The following FILIP1 variants were observed in gnomAD, a reference collection of about 807,000 sequenced individuals.
FILIP1 encodes the protein filamin A interacting protein 1.
A neutral mutation model predicts 102.1 loss-of-function variants in FILIP1; 61 were observed. The observed-to-expected ratio is 0.60, with a 90% CI of 0.49 to 0.74. The LOEUF (loss-of-function observed/expected upper bound fraction) is 0.74. FILIP1 is among the 30% of genes least tolerant of loss of function. FILIP1 has a pLI of 0.00. For missense variants in FILIP1, 1,314 were observed against 1,441.2 expected (o/e 0.91, Z 1.43); for synonymous variants, 491 against 526.9 (o/e 0.93, Z 0.93).
chr6:75,452,951 A>G (rs550168772), intron 1 of FILIP1, among the ~76,000 whole-genome samples: 16 of 152,354 alleles, frequency 1.1e-4, no homozygotes, highest in African/African-American at 3.8e-4. Flanking sequence ...AATAAAAGGA[A>G]TGATCAAGAA....
intron 2 of FILIP1, among the ~76,000 whole-genome samples, chr6:75,386,903 T>C (rs1776112447): frequency 6.6e-6 from 1 of 152,170 alleles, no homozygotes; most frequent in African/African-American, 2.4e-5. Context: ...TGCAGGTTTG[T>C]TACATAGGTA....
At chr6:75,421,508 A>C (rs2149696245) in intron 1 of FILIP1, among the ~76,000 whole-genome samples, 1 of 152,196 alleles carries the variant, frequency 6.6e-6, no homozygotes, top group East Asian at 1.9e-4. Context: ...GGATCCCTCA[A>C]ACTTGAGGCT....
At chr6:75,349,981 G>C (rs1463984905) in intron 4 of FILIP1, among the ~76,000 whole-genome samples, 1 of 152,042 alleles carries the variant, frequency 6.6e-6, no homozygotes, top group East Asian at 1.9e-4. Flanking sequence ...GGAATCCCAG[G>C]CTTGACCTTT....
chr6:75,323,198 A>G (rs1171362818), intron 4 of FILIP1, among the ~76,000 whole-genome samples: 1 of 152,172 alleles, frequency 6.6e-6, no homozygotes, highest in Non-Finnish European at 1.5e-5. Context: ...ACCCAGGTAA[A>G]TGAGTGGCAT....
chr6:75,334,851 T>C (rs1774189040), intron 4 of FILIP1: 1 of 152,132 alleles, frequency 6.6e-6, no homozygotes, highest in Non-Finnish European at 1.5e-5. Flanking sequence ...ATTCCTCCCT[T>C]ATATGGCTCA....
intron 1 of FILIP1, among the ~76,000 whole-genome samples, chr6:75,440,020 C>T (rs1778156415): frequency 6.6e-6 from 1 of 152,114 alleles, no homozygotes; most frequent in Non-Finnish European, 1.5e-5. Flanking sequence ...TGATGGTTTG[C>T]TTTTCTTGTT....
chr6:75,471,673 A>G (rs1337423395), intron 1 of FILIP1, among the ~76,000 whole-genome samples: 1 of 152,166 alleles, frequency 6.6e-6, no homozygotes, highest in Admixed American at 6.5e-5. Context: ...AGAACAACCT[A>G]AATATTCACA....
chr6:75,411,045 A>G (rs549643925), intron 2 of FILIP1, among the ~76,000 whole-genome samples: 1 of 152,306 alleles, frequency 6.6e-6, no homozygotes, highest in South Asian at 2.1e-4. Flanking sequence ...CAACAGTGTA[A>G]GAGCTTTCCT....
In FILIP1 at chr6:75,372,793, A is replaced by AGAAAGAAG. The variant is rs1554204978; in HGVS notation, c.277-9877_277-9876insCTTCTTTC. 1.9e-3 allele frequency among the ~76,000 whole-genome samples: 78 copies of AGAAAGAAG among 41,504 alleles called. 11 individuals are homozygous for AGAAAGAAG. The highest frequency in any genetic ancestry group is 3.9e-3 in the South Asian group (4 of 1,014). 27.2% of individuals were successfully genotyped at this position (41,504 alleles called of 152,430 possible). On this transcript the variant is annotated intron_variant, in intron 2 of 5. Transcript: ENST00000237172. The stretch of plus-strand genomic sequence containing the variant: ...AAGAAAGAAAGAAAGAAAGAAAGAA[A>AGAAAGAAG]GAAGGAAAGAAAGAAAGAAAAGAGT...
chr6:75,341,157 GT>G (rs59686323), intron 4 of FILIP1, among the ~76,000 whole-genome samples: 102,181 of 144,066 alleles, frequency 0.71, 35,992 homozygotes, highest in African/African-American at 0.8. Flanking sequence ...TTTTTGTTTT[GT>G]TTTTTTTTTT....
At chr6:75,326,095 T>TAGA (rs1554200298) in intron 4 of FILIP1, among the ~76,000 whole-genome samples, 2 of 144,828 alleles carry the variant, frequency 1.4e-5, no homozygotes, top group African/African-American at 5.1e-5. Flanking sequence ...GATAGATAGA[T>TAGA]TAGATAGATA....
At chr6:75,385,368 C>A (rs141799705) in intron 2 of FILIP1, among the ~76,000 whole-genome samples, 1 of 152,072 alleles carries the variant, frequency 6.6e-6, no homozygotes, top group Non-Finnish European at 1.5e-5. Flanking sequence ...TGCTATTGGG[C>A]GCACTTGAAG....
intron 1 of FILIP1, among the ~76,000 whole-genome samples, chr6:75,429,483 T>G (rs1777747797): frequency 6.6e-6 from 1 of 152,180 alleles, no homozygotes; most frequent in Non-Finnish European, 1.5e-5. Flanking sequence ...AGGATGCCTC[T>G]ATAGGCATGC....
At chr6:75,394,571 G>T (rs1776398356) in intron 2 of FILIP1, among the ~76,000 whole-genome samples, 1 of 152,058 alleles carries the variant, frequency 6.6e-6, no homozygotes, top group African/African-American at 2.4e-5. Flanking sequence ...TATACAAAAA[G>T]CTCTCATTAA....
intron 1 of FILIP1, among the ~76,000 whole-genome samples, chr6:75,437,588 C>T (rs1182815147): frequency 6.6e-6 from 1 of 152,106 alleles, no homozygotes; most frequent in African/African-American, 2.4e-5. Context: ...GAGGTAACTG[C>T]CACAAGTACA....
At chr6:75,339,858 G>C (rs1172380906) in intron 4 of FILIP1, among the ~76,000 whole-genome samples, 1 of 152,128 alleles carries the variant, frequency 6.6e-6, no homozygotes, top group African/African-American at 2.4e-5. Flanking sequence ...TGAGGCAGGA[G>C]AATCGCTTGA....
intron 4 of FILIP1, among the ~76,000 whole-genome samples, chr6:75,339,615 ATAAG>A (rs1192926530): frequency 6.6e-6 from 1 of 152,200 alleles, no homozygotes; most frequent in East Asian, 1.9e-4. Flanking sequence ...GATTATTCGA[ATAAG>A]TAAGTTTAAG....
At chr6:75,397,599 T>G (rs953450878) in intron 2 of FILIP1, among the ~76,000 whole-genome samples, 1 of 149,826 alleles carries the variant, frequency 6.7e-6, no homozygotes, top group Non-Finnish European at 1.5e-5. Flanking sequence ...TATATATATA[T>G]ATATAATTCC....
intron 1 of FILIP1, among the ~76,000 whole-genome samples, chr6:75,442,242 CG>C (rs1409603019): frequency 1.3e-5 from 2 of 151,670 alleles, no homozygotes; most frequent in Non-Finnish European, 2.9e-5. Context: ...GGATGGTGGC[CG>C]GGCAGAGACG....
Sources: allele counts gnomAD v4.1 joint callset (sites outside exome capture counted in the v4.1 genomes callset), GRCh38; gene constraint gnomAD v4.1.1; transcripts MANE v1.5; gene names NCBI Gene and HGNC (gene_info 2026-07-23, HGNC 2026-07-21).